Variants in PKN2 observed in about 807,000 individuals in gnomAD.
The protein encoded by PKN2 is serine/threonine-protein kinase N2.
A neutral mutation model predicts 119.1 loss-of-function variants in PKN2; 38 were observed. The observed-to-expected ratio is 0.32, with a 90% CI of 0.25 to 0.42. The LOEUF (loss-of-function observed/expected upper bound fraction) is 0.42. Among genes scored for constraint, PKN2 ranks in the 10% least tolerant of loss-of-function variants. PKN2 has a pLI of 1.00. For missense variants in PKN2, 850 were observed against 1,165.1 expected (o/e 0.73, Z 3.94); for synonymous variants, 390 against 384.9 (o/e 1.01, Z -0.15).
intron 8 of PKN2, among the ~76,000 whole-genome samples, chr1:88,803,323 A>G (rs899376299): frequency 6.6e-6 from 1 of 152,178 alleles, no homozygotes; most frequent in Non-Finnish European, 1.5e-5. Context: ...TTTAAGGTCA[A>G]TAGATTTTTT....
chr1:88,757,916 C>T (rs1669270599), intron 2 of PKN2, among the ~76,000 whole-genome samples: 1 of 151,544 alleles, frequency 6.6e-6, no homozygotes, highest in South Asian at 2.1e-4. Flanking sequence ...GTGGCAGGCG[C>T]CTGTAACACT....
Position 88,757,032 on chromosome 1 carries a change from G to C in PKN2, c.350-3190G>C, listed in dbSNP as rs376216274. Among the ~76,000 whole-genome samples the C allele has an allele frequency of 3.9e-5, 6 of 152,098 alleles. No homozygotes were observed. In the South Asian group the frequency reaches 8.3e-4, roughly 21 times the overall value. ...CTGGGCAGCCTCAACCACTATACTA[G>C]ATATATACTAAGTTGCTCTTTTGTG... On this transcript the variant is annotated intron_variant, in intron 2 of 21. Transcript: ENST00000370521.
chr1:88,723,477 A>G (rs1437298475), intron 1 of PKN2, among the ~76,000 whole-genome samples: 5 of 144,654 alleles, frequency 3.5e-5, no homozygotes, highest in Admixed American at 7.2e-5. Flanking sequence ...GCTGGAGTAC[A>G]GTGGCGCGGT....
At chr1:88,809,371 T>G (rs982494037) in intron 15 of PKN2, among the ~76,000 whole-genome samples, 2 of 152,200 alleles carry the variant, frequency 1.3e-5, no homozygotes, top group African/African-American at 4.8e-5. Flanking sequence ...AATAGAAGGG[T>G]CAAATGTTTT....
rs1672782971 is a variant in PKN2, at chr1:88,832,728, A to G, written c.2563-16A>G. ...CTTAAAACTTGCTTTAACTTACTCA[A>G]AGGTATTTCTTCTAGTCTCCCTTTC... On this transcript the variant is annotated splice_polypyrimidine_tract_variant and intron_variant, in intron 19 of 21. Transcript: ENST00000370521. The G allele has an allele frequency of 2.1e-6, 3 of 1,459,792 alleles. No homozygotes were observed. The highest frequency in any genetic ancestry group is 2.9e-6 in the Non-Finnish European group (3 of 1,052,556). 90.4% of individuals were successfully genotyped at this position (1,459,792 alleles called of 1,614,324 possible). A position where few individuals can be genotyped will look rare whatever the true frequency, so the allele number is the denominator to read the frequency against.
chr1:88,685,380 A>G (rs1308428476), intron 1 of PKN2, among the ~76,000 whole-genome samples: 1 of 152,106 alleles, frequency 6.6e-6, no homozygotes. Context: ...GCACCAGAGA[A>G]AGAGCTAATA....
At chr1:88,700,080 G>C (rs1163093557) in intron 1 of PKN2, among the ~76,000 whole-genome samples, 4 of 151,994 alleles carry the variant, frequency 2.6e-5, no homozygotes, top group Non-Finnish European at 4.4e-5. Context: ...ACCGTGCCTG[G>C]CTAATCTCAT....
chr1:88,802,041 G>T (rs565727175), intron 8 of PKN2, among the ~76,000 whole-genome samples: 1 of 152,358 alleles, frequency 6.6e-6, no homozygotes, highest in African/African-American at 2.4e-5. Context: ...GGCATAAGCT[G>T]TGAGCTAAGA....
chr1:88,825,431 T>C (rs1672462228), intron 18 of PKN2, among the ~76,000 whole-genome samples: 1 of 152,184 alleles, frequency 6.6e-6, no homozygotes, highest in African/African-American at 2.4e-5. Flanking sequence ...AAGAGACACC[T>C]CAAACACTAC....
intron 2 of PKN2, among the ~76,000 whole-genome samples, chr1:88,743,366 A>G (rs997159669): frequency 1.3e-5 from 2 of 152,108 alleles, no homozygotes; most frequent in African/African-American, 4.8e-5. Context: ...CAGCTAACCC[A>G]TGATCCCCAA....
At chr1:88,696,680 T>C (rs1666554379) in intron 1 of PKN2, among the ~76,000 whole-genome samples, 2 of 152,162 alleles carry the variant, frequency 1.3e-5, no homozygotes, top group African/African-American at 4.8e-5. Flanking sequence ...TGAGATTCTC[T>C]AGTATCAATA....
intron 1 of PKN2, among the ~76,000 whole-genome samples, chr1:88,713,740 C>G (rs1667334319): frequency 2.0e-5 from 3 of 152,132 alleles, no homozygotes; most frequent in Admixed American, 2.0e-4. Flanking sequence ...CCTGTTCACT[C>G]TGATGGTAGT....
At chr1:88,725,957 A>G (rs1202961208) in intron 1 of PKN2, among the ~76,000 whole-genome samples, 7 of 152,194 alleles carry the variant, frequency 4.6e-5, no homozygotes, top group African/African-American at 1.7e-4. Context: ...TTAATTTTTT[A>G]GACAGATTGT....
intron 1 of PKN2, among the ~76,000 whole-genome samples, chr1:88,706,255 A>G (rs1175432768): frequency 1.3e-5 from 2 of 152,166 alleles, no homozygotes; most frequent in African/African-American, 4.8e-5. Flanking sequence ...ATGCCATTTT[A>G]AATGGTATTT....
At chr1:88,720,108 A>G (rs12124821) in intron 1 of PKN2, among the ~76,000 whole-genome samples, 77,140 of 151,778 alleles carry the variant, frequency 0.51, 20,304 homozygotes, top group Middle Eastern at 0.7. Flanking sequence ...ATCACGGCTT[A>G]CTGCAGCCTC....
chr1:88,765,469 T>C (rs1313184181), intron 3 of PKN2, among the ~76,000 whole-genome samples: 1 of 152,136 alleles, frequency 6.6e-6, no homozygotes, highest in East Asian at 1.9e-4. Flanking sequence ...ATTGCCTGTT[T>C]AAGCTTTGAG....
intron 1 of PKN2, among the ~76,000 whole-genome samples, chr1:88,718,774 C>T (rs933810968): frequency 4.6e-5 from 7 of 152,106 alleles, no homozygotes; most frequent in Admixed American, 2.6e-4. Flanking sequence ...GTAATGAAAT[C>T]CAGTATTTAC....
intron 3 of PKN2, among the ~76,000 whole-genome samples, chr1:88,765,594 CA>C (rs1218887087): frequency 6.6e-6 from 1 of 152,114 alleles, no homozygotes; most frequent in Non-Finnish European, 1.5e-5. Flanking sequence ...AAGTTACTTC[CA>C]AAAGTACCCT....
At chr1:88,808,242 C>G (rs1053172939) in intron 15 of PKN2, among the ~76,000 whole-genome samples, 2 of 151,850 alleles carry the variant, frequency 1.3e-5, no homozygotes, top group African/African-American at 4.8e-5. Flanking sequence ...TTTTTTGACC[C>G]TAACGTCTGG....
Sources: gnomAD v4.1 joint callset for allele counts (sites outside exome capture counted in the v4.1 genomes callset) on GRCh38, gnomAD v4.1.1 for gene constraint, MANE v1.5 for transcripts, NCBI Gene and HGNC (gene_info 2026-07-23, HGNC 2026-07-21) for gene names.